The following SPATA1 variants were observed in gnomAD, a reference collection of about 807,000 sequenced individuals.
SPATA1 encodes the protein spermatogenesis-associated protein 1.
A neutral mutation model predicts 59.6 loss-of-function variants in SPATA1; 57 were observed. The observed-to-expected ratio is 0.96, with a 90% confidence interval of 0.77 to 1.19. The LOEUF (loss-of-function observed/expected upper bound fraction) is 1.19, where lower values mean the gene tolerates loss of function less well. Ranked by LOEUF, SPATA1 falls within the 50% of genes most tolerant of loss-of-function variation. The probability of loss-of-function intolerance (pLI) is 0.00; values close to 1 mark genes in which losing one functional copy is unlikely to be tolerated. For missense variants in SPATA1, 448 were observed against 480.7 expected, an observed-to-expected ratio of 0.93 and a Z score of 0.64; for synonymous variants, 147 against 163.9, an observed-to-expected ratio of 0.90 and a Z score of 0.79.
At chr1:84,547,810 T>C (rs2102004159) in intron 10 of SPATA1, among the ~76,000 whole-genome samples, 1 of 152,184 alleles carries the variant, frequency 6.6e-6, no homozygotes, top group South Asian at 2.1e-4. Flanking sequence ...AAATCAAAGA[T>C]TTTGGATTTT....
Position 84,548,078 on chromosome 1 carries a change from T to C in SPATA1, c.947-708T>C, listed in dbSNP as rs541527587. Reference sequence around the variant, plus strand: ...TGGCAGTAATACCGGTAGAAGTTGCTAAGGGATTGGATAATAGAGCATGAG... The same window carrying C: ...TGGCAGTAATACCGGTAGAAGTTGCCAAGGGATTGGATAATAGAGCATGAG... On this transcript the variant is annotated intron_variant, in intron 10 of 12. Transcript: ENST00000490879. 7.1e-4 allele frequency among the ~76,000 whole-genome samples: 108 copies of C among 152,304 alleles called. 4 individuals are homozygous for C. The South Asian group carries it at 0.022, about 31-fold the overall frequency.
chr1:84,547,736 C>T (rs1213669462), intron 10 of SPATA1, among the ~76,000 whole-genome samples: 1 of 152,086 alleles, frequency 6.6e-6, no homozygotes, highest in Non-Finnish European at 1.5e-5. Context: ...GCTGCTGAAA[C>T]ACTACGTAAG....
intron 3 of SPATA1, among the ~76,000 whole-genome samples, chr1:84,521,475 C>A (rs574163864): frequency 2.6e-4 from 40 of 152,238 alleles, no homozygotes; most frequent in Admixed American, 2.0e-3. Context: ...ACCTCAGGAC[C>A]CTTGTACTTT....
chr1:84,563,265 TATA>T (rs750458187), intron 4 of SPATA1: 1 of 1,541,220 alleles, frequency 6.5e-7, no homozygotes, highest in Non-Finnish European at 8.7e-7. Flanking sequence ...ACTTTATAGT[TATA>T]ATAAGGAGCC....
At chr1:84,528,500 C>G (rs929902404) in intron 6 of SPATA1, among the ~76,000 whole-genome samples, 2 of 152,144 alleles carry the variant, frequency 1.3e-5, no homozygotes, top group Non-Finnish European at 2.9e-5. Context: ...TCATTTTGGA[C>G]TCACTTCTCT....
intron 1 of SPATA1, among the ~76,000 whole-genome samples, chr1:84,508,869 G>C (rs1682402500): frequency 6.6e-6 from 1 of 152,106 alleles, no homozygotes; most frequent in South Asian, 2.1e-4. Flanking sequence ...GGAAGTTAAA[G>C]ATCTGTACAA....
At chr1:84,527,324 C>T (rs1026849987) in intron 6 of SPATA1, among the ~76,000 whole-genome samples, 5 of 152,026 alleles carry the variant, frequency 3.3e-5, no homozygotes, top group Admixed American at 1.3e-4. Flanking sequence ...AGACTGTAGT[C>T]AGCTTTATTT....
At chr1:84,555,287 AC>A (rs1684395645), downstream of SPATA1, 1 of 1,005,052 alleles carries the variant, frequency 9.9e-7, no homozygotes, top group Non-Finnish European at 1.4e-6. Context: ...AGTATACAGT[AC>A]AGTAAGAGGG....
At chr1:84,513,114 G>GGTTTT (rs1682641872) in intron 1 of SPATA1, among the ~76,000 whole-genome samples, 1 of 151,958 alleles carries the variant, frequency 6.6e-6, no homozygotes. Context: ...AAGTTTTTTT[G>GGTTTT]GTTTTGTTTT....
chr1:84,555,184 A>C, downstream of SPATA1: 1 of 1,612,910 alleles, frequency 6.2e-7, no homozygotes, highest in Non-Finnish European at 8.5e-7. Flanking sequence ...ACTTGATGAA[A>C]GTGGCCAGCA....
chr1:84,536,134 T>C (rs149176988), intron 8 of SPATA1, among the ~76,000 whole-genome samples: 22 of 152,362 alleles, frequency 1.4e-4, no homozygotes, highest in African/African-American at 5.3e-4. Flanking sequence ...ATTTTGTTAA[T>C]TCATGCTAGT....
rs56250726 is a variant in SPATA1, at chr1:84,548,750, C to CTT, written c.947-6_947-5dup. The CTT allele has an allele frequency of 4.9e-4, 446 of 914,944 alleles. 14 individuals carry two copies. The East Asian group carries it at 5.6e-3, about 11-fold the overall frequency. 56.7% of individuals were successfully genotyped at this position (914,944 alleles called of 1,614,324 possible). A position where few individuals can be genotyped will look rare whatever the true frequency, so the allele number is the denominator to read the frequency against. ...TTTAATACTCAAACGAAGGCCTTTC[C>CTT]TTTTTTTTTTTTTTTTTTTTTTTTT... On this transcript the variant is annotated intron_variant, in intron 10 of 12. Transcript: ENST00000490879.
downstream of SPATA1, chr1:84,554,818 G>A: frequency 1.9e-6 from 1 of 531,624 alleles, no homozygotes; most frequent in Non-Finnish European, 3.3e-6. Context: ...TTGCCTTTAT[G>A]TTCCTGGATA....
intron 6 of SPATA1, among the ~76,000 whole-genome samples, chr1:84,526,949 C>A (rs1683251553): frequency 6.9e-6 from 1 of 144,558 alleles, no homozygotes; most frequent in South Asian, 2.3e-4. Context: ...ATAAAGCTAA[C>A]TACAGTCTAA....
intron 6 of SPATA1, among the ~76,000 whole-genome samples, chr1:84,532,157 T>C (rs1222826154): frequency 1.3e-5 from 2 of 152,190 alleles, no homozygotes; most frequent in Non-Finnish European, 2.9e-5. Flanking sequence ...CCAGAGAAGG[T>C]TCCTCAGAGC....
At chr1:84,553,602 A>G (rs998178715) in exon 13 of SPATA1, 1 of 152,242 alleles carries the variant, frequency 6.6e-6, no homozygotes, top group Non-Finnish European at 1.5e-5. Context: ...TATGATAGAG[A>G]TAAGCATCTA....
intron 1 of SPATA1, among the ~76,000 whole-genome samples, chr1:84,513,514 TTATTG>T (rs1682664896): frequency 2.0e-5 from 3 of 152,186 alleles, no homozygotes; most frequent in Admixed American, 1.3e-4. Context: ...AATGAGGAGA[TTATTG>T]TAAAGAGCAA....
Position 84,511,505 on chromosome 1 carries a change from TCTAA to T in SPATA1, c.-137-4714_-137-4711del, listed in dbSNP as rs891615697. On this transcript the variant is annotated intron_variant, in intron 1 of 12. Transcript: ENST00000490879. ...CTCATTCCTCAATTGGCTCTAGAAG[TCTAA>T]CTACTATAAATGTTTGTGGATTCTG... Among the ~76,000 whole-genome samples the T allele has an allele frequency of 6.9e-4, 105 of 152,012 alleles. 4 individuals carry two copies. The highest frequency in any genetic ancestry group is 2.3e-3 in the African/African-American group (95 of 41,430).
chr1:84,510,164 C>CA (rs988493450), intron 1 of SPATA1, among the ~76,000 whole-genome samples: 4 of 151,808 alleles, frequency 2.6e-5, no homozygotes, highest in Non-Finnish European at 4.4e-5. Context: ...AGCCCTGTCT[C>CA]AAAAAATAAA....
Sources: allele counts gnomAD v4.1 joint callset (sites outside exome capture counted in the v4.1 genomes callset), GRCh38; gene constraint gnomAD v4.1.1; transcripts MANE v1.5; gene names NCBI Gene and HGNC (gene_info 2026-07-23, HGNC 2026-07-21).